Variants in MCPH1 observed in about 807,000 individuals in gnomAD.
MCPH1 encodes the protein microcephalin.
In MCPH1, 104 loss-of-function variants were observed where a neutral mutation model predicts 84.5. The observed-to-expected ratio is 1.23, with a 90% CI of 1.05 to 1.45. The LOEUF (loss-of-function observed/expected upper bound fraction) is 1.45, where lower values mean the gene tolerates loss of function less well. MCPH1 is among the 40% of genes most tolerant of loss of function. MCPH1 has a pLI of 0.00. For synonymous variants in MCPH1, 514 were observed against 366.8 expected, an observed-to-expected ratio of 1.40 and a Z score of -4.58; for missense variants, 1,498 against 1,005.7, an observed-to-expected ratio of 1.49 and a Z score of -6.62.
intron 13 of MCPH1, among the ~76,000 whole-genome samples, chr8:6,636,254 C>T (rs962661265): frequency 3.3e-5 from 5 of 151,330 alleles, no homozygotes; most frequent in African/African-American, 1.2e-4. Context: ...GCAGGGGAAT[C>T]GCTTGAGCCT....
At position 6,624,187 on chromosome 8, in the gene MCPH1, C is replaced by G. The variant is rs189477680; in HGVS notation, c.2452+2496C>G. Among the ~76,000 whole-genome samples, 689 of 152,374 alleles carry G rather than the reference C, an allele frequency of 4.5e-3. 4 individuals carry two copies. The highest frequency in any genetic ancestry group is 0.016 in the African/African-American group (668 of 41,588). On this transcript the variant is annotated intron_variant, in intron 13 of 13. Coordinates refer to ENST00000344683, the MANE Select transcript of MCPH1 (RefSeq NM_024596.5). ...ACCTGCTTAATCCTGAGGCTTCGAT[C>G]CCGCAAAGCCCTTCAGAGTTCTCTG...
intron 3 of MCPH1, among the ~76,000 whole-genome samples, chr8:6,417,781 T>G (rs1057471694): frequency 6.6e-6 from 1 of 152,198 alleles, no homozygotes; most frequent in East Asian, 1.9e-4. Flanking sequence ...GTCTGATAAT[T>G]TTGAGGTTGG....
chr8:6,540,180 A>G (rs1032347201), intron 12 of MCPH1, among the ~76,000 whole-genome samples: 1 of 152,086 alleles, frequency 6.6e-6, no homozygotes, highest in Non-Finnish European at 1.5e-5. Context: ...TCTTTGCATT[A>G]ATTTTTTTCA....
intron 6 of MCPH1, among the ~76,000 whole-genome samples, chr8:6,440,107 A>G (rs961924756): frequency 4.6e-5 from 7 of 152,114 alleles, no homozygotes; most frequent in Admixed American, 1.3e-4. Context: ...TTGTAGACCT[A>G]TTTTTGTTTT....
chr8:6,545,771 A>T (rs187044047), intron 12 of MCPH1, among the ~76,000 whole-genome samples: 1 of 152,368 alleles, frequency 6.6e-6, no homozygotes, highest in East Asian at 1.9e-4. Flanking sequence ...ATAGGAAGAA[A>T]ATGATTTGTG....
intron 13 of MCPH1, 101 bp from the exon 14 acceptor site, chr8:6,642,893 A>G (rs1798026326): frequency 9.1e-7 from 1 of 1,101,962 alleles, no homozygotes; most frequent in Non-Finnish European, 1.4e-6. Flanking sequence ...GCTCTTGGCT[A>G]TTTGTTTTTA....
intron 12 of MCPH1, chr8:6,519,979 G>T: frequency 6.2e-7 from 1 of 1,614,048 alleles, no homozygotes; most frequent in Non-Finnish European, 8.5e-7. Flanking sequence ...TTTAGCAACA[G>T]TGGGGTCCTT....
chr8:6,508,319 G>T (rs1188649927), intron 12 of MCPH1: 1 of 152,558 alleles, frequency 6.6e-6, no homozygotes, highest in Non-Finnish European at 1.5e-5. Flanking sequence ...TGCACTGGTG[G>T]GCGCCTATAA....
chr8:6,485,010 T>C (rs1341681435), intron 11 of MCPH1, among the ~76,000 whole-genome samples: 1 of 152,216 alleles, frequency 6.6e-6, no homozygotes, highest in African/African-American at 2.4e-5. Context: ...GAGTAAATCT[T>C]ATTGTTTCTA....
At chr8:6,594,462 T>G (rs1354443389) in intron 12 of MCPH1, among the ~76,000 whole-genome samples, 1 of 152,180 alleles carries the variant, frequency 6.6e-6, no homozygotes, top group African/African-American at 2.4e-5. Context: ...TGGGCCCTCA[T>G]AGAAGCTCCT....
chr8:6,416,879 A>T (rs1799377968), intron 3 of MCPH1, among the ~76,000 whole-genome samples: 1 of 152,094 alleles, frequency 6.6e-6, no homozygotes, highest in Non-Finnish European at 1.5e-5. Flanking sequence ...CTATAGTCCC[A>T]GCTACTCGGG....
At chr8:6,599,153 T>C (rs1468885211) in intron 12 of MCPH1, among the ~76,000 whole-genome samples, 1 of 152,198 alleles carries the variant, frequency 6.6e-6, no homozygotes, top group Non-Finnish European at 1.5e-5. Context: ...GAAGTCCTCT[T>C]CCTAATCTCA....
chr8:6,577,976 C>G (rs1308466664), intron 12 of MCPH1, among the ~76,000 whole-genome samples: 1 of 152,166 alleles, frequency 6.6e-6, no homozygotes, highest in East Asian at 1.9e-4. Flanking sequence ...TGTGTGCGAT[C>G]CTGTGAGACA....
chr8:6,445,767 A>G (rs1804264225), intron 8 of MCPH1: 2 of 1,341,166 alleles, frequency 1.5e-6, no homozygotes, highest in Non-Finnish European at 1.9e-6. Flanking sequence ...TCTGTTAGGA[A>G]TCTATTTCTC....
chr8:6,472,217 A>T lies in MCPH1; in HGVS notation c.1936-5377A>T, dbSNP rs186642777. Among the ~76,000 whole-genome samples, 493 of 152,380 alleles carry T rather than the reference A, an allele frequency of 3.2e-3. 1 individual carries two copies. The highest frequency in any genetic ancestry group is 0.01 in the Middle Eastern group (3 of 294). The stretch of plus-strand genomic sequence containing the variant: ...CAATGAATATGCCAAGCATATAATT[A>T]GAATAGACCAAGAATATCACATCAA... On this transcript the variant is annotated intron_variant, in intron 9 of 13. Transcript: ENST00000344683.
At chr8:6,545,574 G>T (rs963726716) in intron 12 of MCPH1, among the ~76,000 whole-genome samples, 8 of 152,136 alleles carry the variant, frequency 5.3e-5, no homozygotes, top group Non-Finnish European at 1.2e-4. Context: ...ATCTGATGAG[G>T]GTTAAAATGT....
chr8:6,546,788 A>G (rs1822656317), intron 12 of MCPH1, among the ~76,000 whole-genome samples: 2 of 152,160 alleles, frequency 1.3e-5, no homozygotes, highest in Admixed American at 1.3e-4. Flanking sequence ...CCTTCCCCCA[A>G]TCCAAGTATT....
chr8:6,407,438 C>T (rs1003320591), intron 1 of MCPH1, among the ~76,000 whole-genome samples: 6 of 152,046 alleles, frequency 3.9e-5, no homozygotes, highest in Non-Finnish European at 5.9e-5. Context: ...GGCCTTAGAC[C>T]GGAGCTGCTG....
Position 6,406,800 on chromosome 8 carries a change from C to T in MCPH1, c.22+111C>T, listed in dbSNP as rs1373005787. The T allele has an allele frequency of 6.6e-6, 8 of 1,220,668 alleles. No homozygotes were observed. The African/African-American group carries it at 1.0e-4, about 16-fold the overall frequency. 75.6% of individuals were successfully genotyped at this position (1,220,668 alleles called of 1,614,324 possible). A position where few individuals can be genotyped will look rare whatever the true frequency, so the allele number is the denominator to read the frequency against. On this transcript the variant is annotated intron_variant, in intron 1 of 13. Transcript: ENST00000344683. The stretch of plus-strand genomic sequence containing the variant: ...GGAGGAGCCCCGCTCGCCCCTCCCT[C>T]GCTGCCTGTCTCCCCCAGACCCCCT...
Sources: allele counts gnomAD v4.1 joint callset (sites outside exome capture counted in the v4.1 genomes callset), GRCh38; gene constraint gnomAD v4.1.1; transcripts MANE v1.5; gene names NCBI Gene and HGNC (gene_info 2026-07-23, HGNC 2026-07-21).